MRAP: variants seen among roughly 807,000 people sequenced by gnomAD.
MRAP encodes the protein melanocortin 2 receptor accessory protein.
In MRAP, 8 loss-of-function variants were observed where a neutral mutation model predicts 8.7. The ratio of observed to expected loss-of-function variants is 0.92; its 90% confidence interval spans 0.54 to 1.66. The LOEUF (loss-of-function observed/expected upper bound fraction) is 1.66, where lower values mean the gene tolerates loss of function less well. MRAP is among the 40% of genes most tolerant of loss of function. The pLI is 0.00. For missense variants in MRAP, 237 were observed against 217.1 expected (o/e 1.09, Z -0.58); for synonymous variants, 95 against 95.5 (o/e 1.00, Z 0.03).
At chr21:32,314,647 G>A (rs375809337), downstream of MRAP, 66 of 1,613,972 alleles carry the variant, frequency 4.1e-5, no homozygotes, top group Admixed American at 2.7e-4. Flanking sequence ...AGGAAGGGGC[G>A]GCCTGACGAG....
upstream of MRAP, among the ~76,000 whole-genome samples, chr21:32,296,214 G>A (rs1569023865): frequency 6.6e-6 from 1 of 152,048 alleles, no homozygotes; most frequent in Non-Finnish European, 1.5e-5. Flanking sequence ...AGAACCCATT[G>A]TCATGGCTTT....
intron 1 of MRAP, chr21:32,292,916 G>A (rs933587858): frequency 6.6e-6 from 1 of 152,164 alleles, no homozygotes; most frequent in Non-Finnish European, 1.5e-5. Flanking sequence ...GCCCAGTGCA[G>A]AGGCTGATTA....
chr21:32,298,942 C>T lies in MRAP; in HGVS notation c.-30C>T. ...GCCTGGCTCGAGGCGAGGCTGCCGG[C>T]CCGGACGCTGACTGCCCAGTGCCAC... On this transcript the variant is annotated 5_prime_UTR_variant, in exon 1 of 3. Coordinates refer to ENST00000303645, the MANE Select transcript of MRAP (RefSeq NM_001379228.1). The T allele has an allele frequency of 6.4e-7, 1 of 1,559,446 alleles. No homozygotes were observed. The highest frequency in any genetic ancestry group is 1.1e-5 in the South Asian group (1 of 89,760).
Position 32,312,213 on chromosome 21 carries a change from A to G in MRAP, c.*217A>G, listed in dbSNP as rs1243509300. On this transcript the variant is annotated 3_prime_UTR_variant, in exon 3 of 3. Transcript: ENST00000303645. ...AGGTGTTGCTGAGTTTATTGAGCAC[A>G]CCTAGCCTGCTTGCTTACTGCTTAT... The G allele has an allele frequency of 5.5e-6, 8 of 1,457,302 alleles. No individual in the cohort carries two copies. Among genetic ancestry groups the G allele is most frequent in the Non-Finnish European group, 7.2e-6 (8 of 1,107,722 alleles). The allele number at this position is 1,457,302 out of a possible 1,614,324, so 90.3% of individuals were successfully genotyped here. A position where few individuals can be genotyped will look rare whatever the true frequency, so the allele number is the denominator to read the frequency against.
chr21:32,300,638 AC>A (rs1380989227), intron 1 of MRAP, among the ~76,000 whole-genome samples: 1 of 30,906 alleles, frequency 3.2e-5, no homozygotes, highest in Non-Finnish European at 7.9e-5. Flanking sequence ...GATGCGTCAC[AC>A]GTCCTATGCC....
At chr21:32,298,785 A>G (rs2032189483), upstream of MRAP, 1 of 579,956 alleles carries the variant, frequency 1.7e-6, no homozygotes, top group Non-Finnish European at 3.2e-6. Flanking sequence ...GCGTTGTGAG[A>G]CACACCCCCC....
At chr21:32,308,518 C>A (rs920909423) in intron 2 of MRAP, 5 of 152,638 alleles carry the variant, frequency 3.3e-5, no homozygotes, top group Admixed American at 6.6e-5. Flanking sequence ...TTGGAACCCA[C>A]CTTGTTTTAT....
At chr21:32,297,454 C>T (rs1334695636), upstream of MRAP, among the ~76,000 whole-genome samples, 1 of 152,216 alleles carries the variant, frequency 6.6e-6, no homozygotes, top group Non-Finnish European at 1.5e-5. Flanking sequence ...TTGGTGAACA[C>T]ATTGAGGTGC....
At chr21:32,313,829 T>C (rs1434195175), downstream of MRAP, 1 of 152,182 alleles carries the variant, frequency 6.6e-6, no homozygotes, top group African/African-American at 2.4e-5. Context: ...TTCATGACTT[T>C]TGTCAGCTAC....
rs1001304261 is a variant in MRAP, at chr21:32,312,193, T to C, written c.*197T>C. 52 of 1,492,184 alleles carry C rather than the reference T, an allele frequency of 3.5e-5. No homozygotes were observed. Among genetic ancestry groups the C allele is most frequent in the Non-Finnish European group, 4.4e-5 (50 of 1,123,668 alleles). 92.4% of individuals were successfully genotyped at this position (1,492,184 alleles called of 1,614,324 possible). ...TCGAGTGCAGAGGTCATCCCAGGTGTTGCTGAGTTTATTGAGCACACCTAG... is the reference window on the plus strand; with the variant it reads ...TCGAGTGCAGAGGTCATCCCAGGTGCTGCTGAGTTTATTGAGCACACCTAG... On this transcript the variant is annotated 3_prime_UTR_variant, in exon 3 of 3. Coordinates refer to ENST00000303645, the MANE Select transcript of MRAP (RefSeq NM_001379228.1).
upstream of MRAP, among the ~76,000 whole-genome samples, chr21:32,296,290 G>A (rs1349106107): frequency 2.6e-5 from 4 of 152,144 alleles, no homozygotes; most frequent in Non-Finnish European, 4.4e-5. Flanking sequence ...TACTGGGGGT[G>A]AAGGCTTCAA....
intron 1 of MRAP, 96 bp from the exon 2 acceptor site, chr21:32,306,544 C>T (rs1040129956): frequency 5.3e-6 from 5 of 948,330 alleles, no homozygotes; most frequent in Admixed American, 1.8e-5. Flanking sequence ...AAACTCAGGG[C>T]CCTCATTCCA....
At chr21:32,299,164 C>T (rs1176815079) in intron 1 of MRAP, 87 bp downstream of exon 1, 4 of 954,022 alleles carry the variant, frequency 4.2e-6, no homozygotes, top group Non-Finnish European at 6.7e-6. Flanking sequence ...TCTGCATTCA[C>T]TTATTAACTC....
At chr21:32,299,611 G>A (rs1371609257) in intron 1 of MRAP, among the ~76,000 whole-genome samples, 11 of 152,182 alleles carry the variant, frequency 7.2e-5, no homozygotes, top group African/African-American at 2.4e-4. Flanking sequence ...GATTACAGGT[G>A]TGAGCCACCG....
At chr21:32,293,593 T>A (rs996050866) in intron 2 of MRAP, among the ~76,000 whole-genome samples, 1 of 152,194 alleles carries the variant, frequency 6.6e-6, no homozygotes, top group African/African-American at 2.4e-5. Flanking sequence ...CATCGTTCAA[T>A]AAACGTTTGT....
At chr21:32,312,315 A>G, downstream of MRAP, 1 of 1,288,156 alleles carries the variant, frequency 7.8e-7, no homozygotes, top group Admixed American at 3.3e-5. Flanking sequence ...AATCTTTACT[A>G]TGCCACTTTA....
At chr21:32,306,555 C>T (rs901548508) in intron 1 of MRAP, 85 bp from the exon 2 acceptor site, 4 of 1,129,932 alleles carry the variant, frequency 3.5e-6, no homozygotes, top group Non-Finnish European at 5.4e-6. Context: ...CCTCATTCCA[C>T]AATACCCTGG....
chr21:32,310,648 T>C (rs1023095546), intron 2 of MRAP, among the ~76,000 whole-genome samples: 7 of 151,438 alleles, frequency 4.6e-5, no homozygotes, highest in Non-Finnish European at 1.0e-4. Context: ...CATTTCTTTT[T>C]TTTTTCTTTT....
At chr21:32,306,446 C>A in intron 1 of MRAP, 194 bp from the exon 2 acceptor site, 2 of 646,832 alleles carry the variant, frequency 3.1e-6, no homozygotes, top group Non-Finnish European at 5.6e-6. Context: ...AGGAAAAAGA[C>A]ACTTCTTGGC....
Sources: gnomAD v4.1 joint callset for allele counts (sites outside exome capture counted in the v4.1 genomes callset) on GRCh38, gnomAD v4.1.1 for gene constraint, MANE v1.5 for transcripts, NCBI Gene and HGNC (gene_info 2026-07-23, HGNC 2026-07-21) for gene names.